The following MEF2D variants were observed in gnomAD, a reference collection of about 807,000 sequenced individuals.
MEF2D encodes the protein myocyte-specific enhancer factor 2D.
A neutral mutation model predicts 59.3 loss-of-function variants in MEF2D; 10 were observed. The ratio of observed to expected loss-of-function variants is 0.17; its 90% confidence interval spans 0.10 to 0.29. The LOEUF (loss-of-function observed/expected upper bound fraction) is 0.29. MEF2D is among the 10% of genes least tolerant of loss of function. MEF2D has a pLI of 1.00. For synonymous variants in MEF2D, 305 were observed against 295.0 expected, an observed-to-expected ratio of 1.03 and a Z score of -0.35; for missense variants, 508 against 699.4, an observed-to-expected ratio of 0.73 and a Z score of 3.09.
At position 156,500,630 on chromosome 1, in the gene MEF2D, C is replaced by A. The variant is rs115307473; in HGVS notation, c.-283G>T. 2.0e-5 allele frequency: 3 copies of A among 152,066 alleles called. No individual in the cohort carries two copies. The highest frequency in any genetic ancestry group is 7.2e-5 in the African/African-American group (3 of 41,516). The allele number at this position is 152,066 out of a possible 1,614,324, so 9.4% of individuals were successfully genotyped here. ...CGGCGTCCGCGCGGGCCCTGGGCGG[C>A]GCCGTGAGGCCTGGGCCCCCGTCGT... On this transcript the variant is annotated 5_prime_UTR_variant, in exon 1 of 12. Transcript: ENST00000348159.
rs1351843353 is a variant in MEF2D, at chr1:156,466,425, G to C, written c.*1220C>G. ...AGGTGGTGGGACAAGGAGGTAGCCAGAGACAATAGGGGCGCCAAGAGCAAG... is the reference window on the plus strand; with the variant it reads ...AGGTGGTGGGACAAGGAGGTAGCCACAGACAATAGGGGCGCCAAGAGCAAG... On this transcript the variant is annotated 3_prime_UTR_variant, in exon 12 of 12. Coordinates refer to ENST00000348159, the MANE Select transcript of MEF2D (RefSeq NM_005920.4). The C allele has an allele frequency of 1.3e-5, 2 of 153,074 alleles. No individual in the cohort carries two copies. The highest frequency in any genetic ancestry group is 4.8e-5 in the African/African-American group (2 of 41,426). 9.5% of individuals were successfully genotyped at this position (153,074 alleles called of 1,614,324 possible). A position where few individuals can be genotyped will look rare whatever the true frequency, so the allele number is the denominator to read the frequency against.
At position 156,466,147 on chromosome 1, in the gene MEF2D, G is replaced by A. The variant is rs1293825148; in HGVS notation, c.*1498C>T. The A allele has an allele frequency of 2.0e-5, 3 of 152,356 alleles. No homozygotes were observed. Among genetic ancestry groups the A allele is most frequent in the Non-Finnish European group, 4.4e-5 (3 of 68,152 alleles). The allele number at this position is 152,356 out of a possible 1,614,324, so 9.4% of individuals were successfully genotyped here. The stretch of plus-strand genomic sequence containing the variant: ...GCCCCTTGCCCACTGCCCCACTGAG[G>A]AGGCAGCAGGGAGGGGCGGACTCAG... On this transcript the variant is annotated 3_prime_UTR_variant, in exon 12 of 12. Transcript: ENST00000348159.
In MEF2D at chr1:156,468,956, C is replaced by G. The variant is rs755531910; in HGVS notation, c.1071G>C (p.Ser357=). Residue 357 remains serine, a synonymous_variant, in exon 10 of 12, where the codon TCG becomes TCC. Transcript: ENST00000348159. The surrounding 1 kb of genome is among the most constrained non-coding windows in gnomAD (Gnocchi z 4.3). ...LPAFSSPGGL[S]LGNVTAWQQP... ...GTTGCCAGGCAGTGACATTGCCTAGCGACAGCCCCCCAGGTGAACTAAAGG... is the reference window on the plus strand; with the variant it reads ...GTTGCCAGGCAGTGACATTGCCTAGGGACAGCCCCCCAGGTGAACTAAAGG... The G allele has an allele frequency of 3.1e-6, 5 of 1,613,778 alleles. No individual in the cohort carries two copies. Among genetic ancestry groups the G allele is most frequent in the Non-Finnish European group, 4.2e-6 (5 of 1,179,778 alleles).
chr1:156,477,797 C>T (rs1196797381), intron 6 of MEF2D, among the ~76,000 whole-genome samples: 1 of 152,220 alleles, frequency 6.6e-6, no homozygotes, highest in African/African-American at 2.4e-5. Flanking sequence ...TTGGGAGAAA[C>T]AAGCCATTCA....
intron 7 of MEF2D, 87 bp from the exon 8 acceptor site, chr1:156,476,601 C>T: frequency 6.6e-7 from 1 of 1,521,740 alleles, no homozygotes; most frequent in Non-Finnish European, 9.0e-7. Context: ...GTTCCAGTCA[C>T]CTCTCTGCAT....
intron 1 of MEF2D, among the ~76,000 whole-genome samples, chr1:156,495,761 G>GTAAAAAAAAAAA (rs1557898471): frequency 3.7e-4 from 1 of 2,708 alleles, no homozygotes; most frequent in Non-Finnish European, 7.0e-4. Context: ...TGACCAGGGG[G>GTAAAAAAAAAAA]CAAAAAAAAA....
chr1:156,483,146 T>C, intron 2 of MEF2D, 93 bp downstream of exon 2: 1 of 1,338,376 alleles, frequency 7.5e-7, no homozygotes, highest in Non-Finnish European at 1.1e-6. Flanking sequence ...TTTCCCCTCT[T>C]CCACAAAGCC....
rs1021552077 is a variant in MEF2D, at chr1:156,476,875, A to G, written c.855+137T>C. Reference sequence around the variant, plus strand: ...CTCTGGGAAGAAAAATCTCATAAAAAGCCATGGTTCCAAGATTTATCTTGG... The same window carrying G: ...CTCTGGGAAGAAAAATCTCATAAAAGGCCATGGTTCCAAGATTTATCTTGG... On this transcript the variant is annotated intron_variant, in intron 7 of 11. Transcript: ENST00000348159. 21 of 1,049,110 alleles carry G rather than the reference A, an allele frequency of 2.0e-5. No individual in the cohort carries two copies. In the South Asian group the frequency reaches 3.4e-4, roughly 17 times the overall value. The allele number at this position is 1,049,110 out of a possible 1,614,324, so 65.0% of individuals were successfully genotyped here. A position where few individuals can be genotyped will look rare whatever the true frequency, so the allele number is the denominator to read the frequency against.
In MEF2D at chr1:156,469,778, C is replaced by A. The variant is rs114125473; in HGVS notation, c.1007-758G>T. ...GGGGTGCACTGTAGTTCCAGTTATT[C>A]AGGGGGCTGAGGCAGGAGACTTGCT... On this transcript the variant is annotated intron_variant, in intron 9 of 11. Transcript: ENST00000348159. Among the ~76,000 whole-genome samples, 1,520 of 152,006 alleles carry A rather than the reference C, an allele frequency of 1.0e-2. 30 individuals are homozygous for A. The highest frequency in any genetic ancestry group is 0.035 in the African/African-American group (1,444 of 41,464).
At chr1:156,477,304 A>C in intron 6 of MEF2D, 102 bp from the exon 7 acceptor site, 6 of 1,024,554 alleles carry the variant, frequency 5.9e-6, no homozygotes, top group Non-Finnish European at 8.5e-6. Context: ...GAACCTCTCA[A>C]AGCCATGCTT....
chr1:156,482,418 C>T lies in MEF2D; in HGVS notation c.258+19G>A. ...ATGCAGGCGGGGGTATATCCTGGTGCCTGTGTGTATGGGCCCACCTCGATG... is the reference window on the plus strand; with the variant it reads ...ATGCAGGCGGGGGTATATCCTGGTGTCTGTGTGTATGGGCCCACCTCGATG... On this transcript the variant is annotated intron_variant, in intron 3 of 11. Transcript: ENST00000348159. The T allele has an allele frequency of 6.2e-7, 1 of 1,612,986 alleles. No individual in the cohort carries two copies. Among genetic ancestry groups the T allele is most frequent in the Non-Finnish European group, 8.5e-7 (1 of 1,179,854 alleles).
chr1:156,499,369 A>G (rs1209034491), intron 1 of MEF2D: 1 of 151,762 alleles, frequency 6.6e-6, no homozygotes, highest in African/African-American at 2.4e-5. Flanking sequence ...ACCCTCCCCC[A>G]ACCCATCAAC....
chr1:156,473,237 G>A (rs1010215552), intron 9 of MEF2D, among the ~76,000 whole-genome samples: 1 of 151,532 alleles, frequency 6.6e-6, no homozygotes, highest in Non-Finnish European at 1.5e-5. Context: ...GGATGGTCTC[G>A]ATCTCTTGAC....
At chr1:156,494,215 T>A (rs530245085) in intron 1 of MEF2D, among the ~76,000 whole-genome samples, 3 of 152,138 alleles carry the variant, frequency 2.0e-5, no homozygotes, top group Admixed American at 1.3e-4. Flanking sequence ...TGTTACTTGA[T>A]CCAACTGGAG....
intron 1 of MEF2D, among the ~76,000 whole-genome samples, chr1:156,491,464 C>T (rs1296900731): frequency 6.6e-6 from 1 of 152,206 alleles, no homozygotes; most frequent in East Asian, 1.9e-4. Flanking sequence ...CGCTAGAAGA[C>T]AGTCAGGATG....
chr1:156,470,876 T>C (rs1483790181), intron 9 of MEF2D, among the ~76,000 whole-genome samples: 1 of 152,150 alleles, frequency 6.6e-6, no homozygotes, highest in Non-Finnish European at 1.5e-5. Context: ...AGGAACAGGC[T>C]CCAAGTCATG....
At chr1:156,496,235 G>T (rs1673121620) in intron 1 of MEF2D, among the ~76,000 whole-genome samples, 1 of 152,232 alleles carries the variant, frequency 6.6e-6, no homozygotes, top group South Asian at 2.1e-4. Flanking sequence ...CTTAGATGTA[G>T]TCTTGATGCC....
intron 1 of MEF2D, among the ~76,000 whole-genome samples, chr1:156,490,281 C>T (rs1467851383): frequency 6.6e-6 from 1 of 152,036 alleles, no homozygotes; most frequent in Admixed American, 6.6e-5. Flanking sequence ...TCTGTCCCCG[C>T]CCCCTCCCAC....
intron 6 of MEF2D, among the ~76,000 whole-genome samples, chr1:156,478,316 A>C (rs1246991495): frequency 6.6e-6 from 1 of 152,154 alleles, no homozygotes; most frequent in Admixed American, 6.5e-5. Flanking sequence ...CCACAGTCAG[A>C]AATGCTTCCT....
Sources: gnomAD v4.1 joint callset for allele counts (sites outside exome capture counted in the v4.1 genomes callset) on GRCh38, gnomAD v4.1.1 for gene constraint, Gnocchi (gnomAD v3.1) non-coding constraint, MANE v1.5 for transcripts, NCBI Gene and HGNC (gene_info 2026-07-23, HGNC 2026-07-21) for gene names.